STAG3: variants seen among roughly 807,000 people sequenced by gnomAD.
STAG3 encodes STAG3 cohesin complex component, also known as cohesin subunit SA-3.
A neutral mutation model predicts 160.7 loss-of-function variants in STAG3; 101 were observed. The ratio of observed to expected loss-of-function variants is 0.63; its 90% CI spans 0.54 to 0.74. The LOEUF (loss-of-function observed/expected upper bound fraction) is 0.74. STAG3 is among the 30% of genes least tolerant of loss of function. The probability of loss-of-function intolerance (pLI) is 0.00; values close to 1 mark genes in which losing one functional copy is unlikely to be tolerated. For synonymous variants in STAG3, 519 were observed against 585.0 expected, an observed-to-expected ratio of 0.89 and a Z score of 1.63; for missense variants, 1,188 against 1,517.4, an observed-to-expected ratio of 0.78 and a Z score of 3.61.
rs778580770 is a variant in STAG3, at chr7:100,213,748, A to T, written c.3614A>T (p.Tyr1205Phe). Residue 1205 changes from tyrosine to phenylalanine, a missense_variant, in exon 33 of 34, where the codon TAC becomes TTC. Physicochemically the swap from Tyr to Phe is conservative, Grantham distance 22 (BLOSUM62 3). Around this residue, in one of 4 missense-constraint regions of STAG3, gnomAD observed 647 missense variants for 717.2 expected, o/e 0.90. Coordinates refer to ENST00000615138, the MANE Select transcript of STAG3 (RefSeq NM_001282717.2). ...CATTCTCTCTAGCAAGCAAGTAGCT[A>T]CTCTTCCACCAGTGAGCGCGGGCTG... ...RQDTDMQASS[Y>F]SSTSERGLDL... The T allele has an allele frequency of 6.2e-7, 1 of 1,613,950 alleles. No individual in the cohort carries two copies. The highest frequency in any genetic ancestry group is 8.5e-7 in the Non-Finnish European group (1 of 1,180,020).
intron 25 of STAG3, among the ~76,000 whole-genome samples, chr7:100,203,102 C>G (rs1055841174): frequency 7.9e-5 from 12 of 152,056 alleles, no homozygotes; most frequent in Non-Finnish European, 7.4e-5. Flanking sequence ...GTGAAGGTGT[C>G]AGTGCTGTGT....
At chr7:100,204,807 G>A in intron 27 of STAG3, 32 bp downstream of exon 27, 1 of 1,611,880 alleles carries the variant, frequency 6.2e-7, no homozygotes, top group Non-Finnish European at 8.5e-7. Context: ...TTGTGTCCAG[G>A]GAGGGCTGGG....
intron 32 of STAG3, chr7:100,213,120 A>G (rs1802411677): frequency 5.7e-6 from 1 of 176,280 alleles, no homozygotes. Context: ...GCTGGCTTCT[A>G]GTTGTATCCT....
chr7:100,187,675 C>T (rs1393674216), intron 5 of STAG3, among the ~76,000 whole-genome samples: 6 of 151,988 alleles, frequency 3.9e-5, no homozygotes, highest in Admixed American at 6.5e-5. Flanking sequence ...GTCGGCTTAA[C>T]CTCCTTGGGC....
intron 25 of STAG3, among the ~76,000 whole-genome samples, chr7:100,203,137 C>T (rs1801293377): frequency 6.6e-6 from 1 of 151,712 alleles, no homozygotes; most frequent in Admixed American, 6.6e-5. Context: ...AGGCTTACTT[C>T]TCTTCTCCAA....
chr7:100,183,306 A>T (rs1000184339), intron 4 of STAG3, among the ~76,000 whole-genome samples: 1 of 152,080 alleles, frequency 6.6e-6, no homozygotes, highest in African/African-American at 2.4e-5. Flanking sequence ...GAGTCACTGC[A>T]CCTGGCTTTG....
intron 1 of STAG3, among the ~76,000 whole-genome samples, chr7:100,179,126 C>A (rs1799467637): frequency 1.3e-5 from 2 of 150,438 alleles, no homozygotes; most frequent in Non-Finnish European, 3.0e-5. Context: ...AGGTTTGAGC[C>A]ACCCTGGGCA....
chr7:100,184,743 G>C (rs1584657890), intron 4 of STAG3, among the ~76,000 whole-genome samples: 1 of 152,060 alleles, frequency 6.6e-6, no homozygotes, highest in Non-Finnish European at 1.5e-5. Context: ...TGGGATTACA[G>C]GTGTGAGCCA....
intron 12 of STAG3, 127 bp from the exon 13 acceptor site, chr7:100,198,348 C>T (rs748281156): frequency 2.4e-4 from 282 of 1,182,760 alleles, no homozygotes; most frequent in Admixed American, 3.8e-4. Flanking sequence ...CTTTGTCTTC[C>T]GCTCTTCATT....
At chr7:100,196,314 T>A (rs1334813803) in intron 9 of STAG3, among the ~76,000 whole-genome samples, 1 of 151,466 alleles carries the variant, frequency 6.6e-6, no homozygotes, top group South Asian at 2.1e-4. Flanking sequence ...GGAGTCTCAC[T>A]GTGTTGCCCA....
chr7:100,213,274 A>C, intron 32 of STAG3: 2 of 1,011,440 alleles, frequency 2.0e-6, no homozygotes, highest in Non-Finnish European at 2.4e-6. Context: ...AAGGATTTCA[A>C]TATGTGGGTT....
chr7:100,217,650 A>G (rs144714419), downstream of STAG3, among the ~76,000 whole-genome samples: 4 of 152,258 alleles, frequency 2.6e-5, no homozygotes, highest in Non-Finnish European at 5.9e-5. Context: ...CAAAGGGGGC[A>G]GGGTAAGGAG....
At chr7:100,215,525 G>A (rs539312746), downstream of STAG3, among the ~76,000 whole-genome samples, 10 of 152,310 alleles carry the variant, frequency 6.6e-5, no homozygotes, top group South Asian at 8.3e-4. Context: ...TGGGATGAGG[G>A]AACAGAGTGG....
intron 32 of STAG3, 64 bp from the exon 33 acceptor site, chr7:100,213,671 T>A: frequency 6.2e-7 from 1 of 1,612,152 alleles, no homozygotes; most frequent in Middle Eastern, 1.7e-4. Context: ...GAACTGGTTT[T>A]TTTATTTGCG....
intron 10 of STAG3, 48 bp downstream of exon 10, chr7:100,197,327 G>T (rs112133049): frequency 6.3e-7 from 1 of 1,599,882 alleles, no homozygotes; most frequent in East Asian, 2.3e-5. Flanking sequence ...TCTTTTTCCT[G>T]TCCTAGGACA....
At position 100,207,125 on chromosome 7, in the gene STAG3, T is replaced by C. The variant is rs1801723377; in HGVS notation, c.3238+1741T>C. On this transcript the variant is annotated intron_variant, in intron 29 of 33. Transcript: ENST00000615138. The surrounding 1 kb of genome is among the most constrained non-coding windows in gnomAD (Gnocchi z 4.0). ...GTGTGGATATGCCACATTCTACTTATCCACTTGTCAGTTGATTGACATTTG... is the reference window on the plus strand; with the variant it reads ...GTGTGGATATGCCACATTCTACTTACCCACTTGTCAGTTGATTGACATTTG... Among the ~76,000 whole-genome samples the C allele has an allele frequency of 6.6e-6, 1 of 152,252 alleles. No individual in the cohort carries two copies. The highest frequency in any genetic ancestry group is 1.5e-5 in the Non-Finnish European group (1 of 68,044).
chr7:100,179,022 TAG>T (rs886690043), intron 1 of STAG3, among the ~76,000 whole-genome samples: 1 of 151,836 alleles, frequency 6.6e-6, no homozygotes, highest in Non-Finnish European at 1.5e-5. Flanking sequence ...GGTTTTTTCG[TAG>T]AGACAGGATC....
At chr7:100,213,906 C>G (rs1802528828) in intron 33 of STAG3, 100 bp downstream of exon 33, 9 of 1,612,854 alleles carry the variant, frequency 5.6e-6, no homozygotes, top group South Asian at 1.1e-5. Context: ...GGGTGGCCCT[C>G]TGGGCTGTCT....
Position 100,197,174 on chromosome 7 carries a change from C to G in STAG3, c.960C>G (p.Ile320Met). The change falls in exon 10 of 34, where the codon ATC (isoleucine) becomes ATG (methionine). Residue 320 changes from isoleucine to methionine, a missense_variant. Physicochemically the swap from Ile to Met is conservative, Grantham distance 10. Transcript: ENST00000615138. ...VHRYRDVLPE[I>M]RAICIEEIGC... is the part of the protein sequence containing the mutation. The stretch of plus-strand genomic sequence containing the variant: ...TGTCTAGGGATGTCCTTCCTGAGAT[C>G]CGTGCTATCTGCATTGAGGAAATTG... 6.2e-7 allele frequency: 1 copy of G among 1,601,546 alleles called. No homozygotes were observed. The highest frequency in any genetic ancestry group is 1.1e-5 in the South Asian group (1 of 90,528).
Sources: gnomAD v4.1 joint callset for allele counts (sites outside exome capture counted in the v4.1 genomes callset) on GRCh38, gnomAD v4.1.1 for gene constraint, gnomAD v4.1.1 regional missense constraint, Gnocchi (gnomAD v3.1) non-coding constraint, MANE v1.5 for transcripts, NCBI Gene and HGNC (gene_info 2026-07-23, HGNC 2026-07-21) for gene names.